The following CRYZL1 variants were observed in gnomAD, a reference collection of about 807,000 sequenced individuals.
CRYZL1 encodes ferry endosomal RAB5 effector complex subunit 4.
In CRYZL1, 34 loss-of-function variants were observed where a neutral mutation model predicts 50.6. That is an observed-to-expected ratio of 0.67 (90% CI 0.51 to 0.89). CRYZL1 has a LOEUF of 0.89. Ranked by LOEUF, CRYZL1 falls within the 40% of genes least tolerant of loss-of-function variation. CRYZL1 has a pLI of 0.00. For synonymous variants in CRYZL1, 125 were observed against 134.3 expected (o/e 0.93, Z 0.48); for missense variants, 354 against 402.3 (o/e 0.88, Z 1.03).
chr21:33,590,893 C>T (rs995554536), intron 12 of CRYZL1, among the ~76,000 whole-genome samples: 1 of 152,174 alleles, frequency 6.6e-6, no homozygotes, highest in Non-Finnish European at 1.5e-5. Flanking sequence ...TCTATCTCTG[C>T]GAGTACCTAC....
At position 33,622,075 on chromosome 21, in the gene CRYZL1, C is replaced by A. The variant is rs375789567; in HGVS notation, c.145-7G>T. 40 of 1,610,376 alleles carry A rather than the reference C, an allele frequency of 2.5e-5. No individual in the cohort carries two copies. The African/African-American group carries it at 4.5e-4, about 18-fold the overall frequency. ...TCTTCATTTCTGCCAGAAGCTAAAT[C>A]ATGACAAAGGCAGTTAACATACTAT... On this transcript the variant is annotated splice_polypyrimidine_tract_variant and splice_region_variant and intron_variant, in intron 3 of 12. Transcript: ENST00000381554.
rs1383882859 is a variant in CRYZL1 at position 33,597,003 on chromosome 21, G to T, written c.798+277C>A. Among the ~76,000 whole-genome samples the T allele has an allele frequency of 1.3e-5, 2 of 151,868 alleles. 1 individual carries two copies. The highest frequency in any genetic ancestry group is 4.2e-4 in the South Asian group (2 of 4,804). ...TCAGCCCTCAGTCTCTCAAGGAGCTGGGAATATAAGCCTGTGCCACCATGC... is the reference window on the plus strand; with the variant it reads ...TCAGCCCTCAGTCTCTCAAGGAGCTTGGAATATAAGCCTGTGCCACCATGC... On this transcript the variant is annotated intron_variant, in intron 10 of 12. Transcript: ENST00000381554.
At chr21:33,628,956 G>A (rs527242072) in intron 2 of CRYZL1, among the ~76,000 whole-genome samples, 147 of 151,898 alleles carry the variant, frequency 9.7e-4, no homozygotes, top group Non-Finnish European at 1.8e-3. Flanking sequence ...TCGGCCAGGC[G>A]CGGTGGCTCA....
intron 1 of CRYZL1, among the ~76,000 whole-genome samples, chr21:33,638,372 C>A (rs1009099886): frequency 6.6e-6 from 1 of 152,036 alleles, no homozygotes; most frequent in Admixed American, 6.6e-5. Context: ...GCTACCACAC[C>A]CAGCTAATTT....
chr21:33,625,685 T>A (rs1183713853), intron 2 of CRYZL1, among the ~76,000 whole-genome samples: 1 of 151,852 alleles, frequency 6.6e-6, no homozygotes, highest in Admixed American at 6.6e-5. Context: ...GGTATTGCTA[T>A]GTTGCCCAGG....
At chr21:33,604,528 CAAA>C (rs34132721) in intron 6 of CRYZL1, among the ~76,000 whole-genome samples, 12 of 115,578 alleles carry the variant, frequency 1.0e-4, no homozygotes, top group Admixed American at 8.9e-5. Flanking sequence ...GACTCCGTCT[CAAA>C]AAAAAAAAAA....
At chr21:33,591,476 T>C (rs1488104755) in intron 11 of CRYZL1, 3 of 518,134 alleles carry the variant, frequency 5.8e-6, no homozygotes, top group Non-Finnish European at 6.9e-6. Flanking sequence ...TCCTAAGTGC[T>C]CACCACTATT....
At chr21:33,591,040 A>C (rs557526239) in intron 12 of CRYZL1, 122 bp downstream of exon 12, 4 of 733,802 alleles carry the variant, frequency 5.5e-6, no homozygotes, top group Non-Finnish European at 9.7e-6. Context: ...GCACCAACCT[A>C]ATAATAAAAT....
intron 5 of CRYZL1, 43 bp downstream of exon 5, chr21:33,616,663 G>A: frequency 6.2e-7 from 1 of 1,603,934 alleles, no homozygotes. Context: ...AGAGATGACG[G>A]TAAAATAGAT....
chr21:33,629,112 G>A (rs552495296), intron 2 of CRYZL1, among the ~76,000 whole-genome samples: 1 of 151,886 alleles, frequency 6.6e-6, no homozygotes, highest in Admixed American at 6.6e-5. Context: ...GCACATGTCT[G>A]TAGTCTCAGT....
rs186033053 is a variant in CRYZL1 at position 33,611,938 on chromosome 21, G to A, written c.331+1600C>T. On this transcript the variant is annotated intron_variant, in intron 6 of 12. Transcript: ENST00000381554. ...TAACTTGCTTTTTTCACTCAATGCT[G>A]TTTGTGAGAGTCATCCACTTTGATA... Among the ~76,000 whole-genome samples, 28 of 152,268 alleles carry A rather than the reference G, an allele frequency of 1.8e-4. No homozygotes were observed. The East Asian group carries it at 4.2e-3, about 23-fold the overall frequency.
chr21:33,634,904 T>TATATATATATATATAA (rs1491266388), intron 1 of CRYZL1, among the ~76,000 whole-genome samples: 10 of 135,432 alleles, frequency 7.4e-5, no homozygotes, highest in Admixed American at 6.6e-4. Context: ...TATATATATA[T>TATATATATATATATAA]AAAATAATGG....
chr21:33,631,580 GAAATA>G lies in CRYZL1; in HGVS notation c.-6-28_-6-24del, dbSNP rs761693488. 1.8e-5 allele frequency: 25 copies of G among 1,377,230 alleles called. No homozygotes were observed. The African/African-American group carries it at 3.5e-4, about 19-fold the overall frequency. The allele number at this position is 1,377,230 out of a possible 1,614,324, so 85.3% of individuals were successfully genotyped here. Reference sequence around the variant, plus strand: ...CACCTAAAAATAAATATATATAAATGAAATAAAATAACAAGTCTTCCAGACTAAAT... The same window carrying G: ...CACCTAAAAATAAATATATATAAATGAAATAACAAGTCTTCCAGACTAAAT... On this transcript the variant is annotated intron_variant, in intron 1 of 12. Coordinates refer to ENST00000381554, the MANE Select transcript of CRYZL1 (RefSeq NM_145858.3).
chr21:33,641,587 C>A (rs2087343321), intron 1 of CRYZL1, 94 bp downstream of exon 1: 1 of 334,002 alleles, frequency 3.0e-6, no homozygotes, highest in Non-Finnish European at 5.7e-6. Context: ...GAACCACCAT[C>A]CTCCCCAGGG....
intron 10 of CRYZL1, among the ~76,000 whole-genome samples, chr21:33,596,678 G>A (rs759454221): frequency 2.6e-5 from 4 of 151,538 alleles, no homozygotes; most frequent in East Asian, 1.9e-4. Flanking sequence ...AAATAAATTC[G>A]TAAGTCACAT....
At chr21:33,635,991 A>C (rs955576422) in intron 1 of CRYZL1, among the ~76,000 whole-genome samples, 2 of 152,144 alleles carry the variant, frequency 1.3e-5, no homozygotes, top group Non-Finnish European at 2.9e-5. Context: ...AAAATAAATA[A>C]ATGAACAAAT....
In CRYZL1 at chr21:33,624,876, T is replaced by C. The variant is rs2087042820; in HGVS notation, c.67-116A>G. On this transcript the variant is annotated intron_variant, in intron 2 of 12. Transcript: ENST00000381554. ...AACAAAATTAGACAGACCCTAAATC[T>C]CACAGCTAATTTTAACAACTATAAG... is the stretch of plus-strand genomic sequence containing the variant. The C allele has an allele frequency of 9.8e-6, 13 of 1,332,390 alleles. No individual in the cohort carries two copies. In the South Asian group the frequency reaches 1.9e-4, roughly 19 times the overall value. The allele number at this position is 1,332,390 out of a possible 1,614,324, so 82.5% of individuals were successfully genotyped here.
chr21:33,608,183 G>A (rs1291971730), intron 6 of CRYZL1, among the ~76,000 whole-genome samples: 1 of 152,134 alleles, frequency 6.6e-6, no homozygotes, highest in Non-Finnish European at 1.5e-5. Flanking sequence ...GGCTGGGCGC[G>A]GTGGCTCACG....
At chr21:33,591,051 A>G in intron 12 of CRYZL1, 111 bp downstream of exon 12, 1 of 767,584 alleles carries the variant, frequency 1.3e-6, no homozygotes, top group Non-Finnish European at 2.3e-6. Context: ...ATAATAAAAT[A>G]TGGAGGCAAC....
Sources: gnomAD v4.1 joint callset for allele counts (sites outside exome capture counted in the v4.1 genomes callset) on GRCh38, gnomAD v4.1.1 for gene constraint, MANE v1.5 for transcripts, NCBI Gene and HGNC (gene_info 2026-07-23, HGNC 2026-07-21) for gene names.